STK32A: variants seen among roughly 807,000 people sequenced by gnomAD.
The protein encoded by STK32A is serine/threonine kinase 32A, also known as serine/threonine-protein kinase 32A.
A neutral mutation model predicts 53.2 loss-of-function variants in STK32A; 41 were observed. That is an observed-to-expected ratio of 0.77 (90% confidence interval 0.60 to 1.00). The LOEUF (loss-of-function observed/expected upper bound fraction) is 1.00, where lower values mean the gene tolerates loss of function less well. STK32A is among the 50% of genes least tolerant of loss of function. The pLI is 0.00. For synonymous variants in STK32A, 166 were observed against 162.8 expected, an observed-to-expected ratio of 1.02 and a Z score of -0.15; for missense variants, 458 against 485.8, an observed-to-expected ratio of 0.94 and a Z score of 0.54.
intron 2 of STK32A, among the ~76,000 whole-genome samples, chr5:147,251,935 G>C (rs537847835): frequency 6.6e-6 from 1 of 152,228 alleles, no homozygotes. Flanking sequence ...AGGTGAAGTG[G>C]ATCACACCTC....
intron 5 of STK32A, among the ~76,000 whole-genome samples, chr5:147,329,643 G>T (rs184956315): frequency 8.6e-5 from 13 of 151,376 alleles, no homozygotes; most frequent in Non-Finnish European, 1.5e-4. Flanking sequence ...GCACGTGCAC[G>T]CACGCACACA....
At chr5:147,286,948 C>T (rs1396169783) in intron 4 of STK32A, among the ~76,000 whole-genome samples, 1 of 152,116 alleles carries the variant, frequency 6.6e-6, no homozygotes, top group African/African-American at 2.4e-5. Flanking sequence ...CATCAGCTGA[C>T]TTGAGGTTGA....
chr5:147,347,772 T>C (rs1755760792), intron 6 of STK32A, among the ~76,000 whole-genome samples: 1 of 152,102 alleles, frequency 6.6e-6, no homozygotes, highest in African/African-American at 2.4e-5. Context: ...TCAAATTTCA[T>C]TTTCAAAACA....
rs186605219 is a variant in STK32A, at chr5:147,255,927, C to T, written c.52+16241C>T. Reference sequence around the variant, plus strand: ...GGGACCCTAATTGTGTCTAAATAGACGTGAGAGTTGAAAGACCCATAAGGG... The same window carrying T: ...GGGACCCTAATTGTGTCTAAATAGATGTGAGAGTTGAAAGACCCATAAGGG... On this transcript the variant is annotated intron_variant, in intron 2 of 12. Transcript: ENST00000397936. 3.9e-3 allele frequency among the ~76,000 whole-genome samples: 596 copies of T among 152,280 alleles called. 6 individuals carry two copies. The highest frequency in any genetic ancestry group is 0.013 in the African/African-American group (561 of 41,562).
chr5:147,359,089 G>A (rs867387268), intron 7 of STK32A, among the ~76,000 whole-genome samples: 2 of 152,094 alleles, frequency 1.3e-5, no homozygotes, highest in Non-Finnish European at 2.9e-5. Flanking sequence ...TACATAATGA[G>A]CAATACCAAA....
downstream of STK32A, among the ~76,000 whole-genome samples, chr5:147,389,015 G>A (rs1233098982): frequency 6.6e-6 from 1 of 152,136 alleles, no homozygotes; most frequent in South Asian, 2.1e-4. Flanking sequence ...ATCAAAACTC[G>A]AACTTCAACT....
chr5:147,364,234 A>G (rs1756646861), intron 8 of STK32A, among the ~76,000 whole-genome samples: 1 of 151,672 alleles, frequency 6.6e-6, no homozygotes, highest in Admixed American at 6.6e-5. Flanking sequence ...AAAAAAAAAA[A>G]AGAAATCTCC....
intron 5 of STK32A, among the ~76,000 whole-genome samples, chr5:147,332,627 T>C (rs1278710123): frequency 6.6e-6 from 1 of 152,146 alleles, no homozygotes; most frequent in Non-Finnish European, 1.5e-5. Flanking sequence ...GCCCTTTCTT[T>C]TTGTTTTGGT....
chr5:147,274,854 G>A (rs1034951327), intron 2 of STK32A, among the ~76,000 whole-genome samples: 7 of 152,012 alleles, frequency 4.6e-5, no homozygotes, highest in Non-Finnish European at 8.8e-5. Context: ...TTGAATTCAG[G>A]TTGTCTGTCT....
chr5:147,390,935 G>A (rs75982120), downstream of STK32A: 3,117 of 152,712 alleles, frequency 0.02, 106 homozygotes, highest in African/African-American at 0.066. Flanking sequence ...AGCTCTTCAC[G>A]TTCCAGAGCT....
At chr5:147,312,606 T>C (rs1460560793) in intron 4 of STK32A, among the ~76,000 whole-genome samples, 1 of 152,226 alleles carries the variant, frequency 6.6e-6, no homozygotes, top group East Asian at 1.9e-4. Flanking sequence ...GCATTTTTTC[T>C]TTGGAAAAGC....
At chr5:147,242,660 C>T (rs1208643990) in intron 2 of STK32A, among the ~76,000 whole-genome samples, 2 of 152,122 alleles carry the variant, frequency 1.3e-5, no homozygotes, top group Non-Finnish European at 2.9e-5. Context: ...CAAATAATGA[C>T]AAAATCAGGA....
intron 2 of STK32A, among the ~76,000 whole-genome samples, chr5:147,267,534 T>C (rs1754860501): frequency 6.6e-6 from 1 of 152,178 alleles, no homozygotes; most frequent in African/African-American, 2.4e-5. Flanking sequence ...AATAAGATAA[T>C]GTATATTAAG....
intron 6 of STK32A, 105 bp from the exon 7 acceptor site, chr5:147,350,960 C>T (rs1755942534): frequency 1.1e-6 from 1 of 889,838 alleles, no homozygotes; most frequent in African/African-American, 1.6e-5. Flanking sequence ...CTGCAACTGG[C>T]CTACAAGAAT....
chr5:147,284,916 T>C (rs759229701), intron 4 of STK32A, among the ~76,000 whole-genome samples: 1 of 152,024 alleles, frequency 6.6e-6, no homozygotes, highest in Non-Finnish European at 1.5e-5. Flanking sequence ...TCCATCAAAA[T>C]ACCACCATCA....
At chr5:147,313,363 G>C (rs1021329656) in intron 4 of STK32A, among the ~76,000 whole-genome samples, 1 of 152,242 alleles carries the variant, frequency 6.6e-6, no homozygotes, top group Non-Finnish European at 1.5e-5. Context: ...GACAGGTTGA[G>C]TAATCATGTG....
At chr5:147,270,997 A>AT (rs983819313) in intron 2 of STK32A, among the ~76,000 whole-genome samples, 1 of 96,594 alleles carries the variant, frequency 1.0e-5, no homozygotes, top group African/African-American at 5.2e-5. Flanking sequence ...GTAATCATAG[A>AT]TAATTTTTTT....
At chr5:147,302,798 T>C (rs1297164706) in intron 4 of STK32A, among the ~76,000 whole-genome samples, 4 of 152,168 alleles carry the variant, frequency 2.6e-5, no homozygotes, top group African/African-American at 9.7e-5. Context: ...TCAAAATCAA[T>C]TTAGAAGATC....
At chr5:147,322,231 CAT>C (rs1300778756) in intron 4 of STK32A, among the ~76,000 whole-genome samples, 2 of 152,204 alleles carry the variant, frequency 1.3e-5, no homozygotes, top group East Asian at 1.9e-4. Context: ...CAATACCAAG[CAT>C]ATGTTTCTCA....
Sources: gnomAD v4.1 joint callset for allele counts (sites outside exome capture counted in the v4.1 genomes callset) on GRCh38, gnomAD v4.1.1 for gene constraint, MANE v1.5 for transcripts, NCBI Gene and HGNC (gene_info 2026-07-23, HGNC 2026-07-21) for gene names.